Variants in TLNRD1 observed in about 807,000 individuals in gnomAD.
TLNRD1 encodes the protein talin rod domain-containing protein 1.
A neutral mutation model predicts 19.5 loss-of-function variants in TLNRD1; 14 were observed. That is an observed-to-expected ratio of 0.72 (90% CI 0.47 to 1.12). TLNRD1 has a LOEUF of 1.12. Ranked by LOEUF, TLNRD1 falls within the 50% of genes most tolerant of loss-of-function variation. The pLI is 0.00. For synonymous variants in TLNRD1, 345 were observed against 261.7 expected (o/e 1.32, Z -3.07); for missense variants, 569 against 531.9 (o/e 1.07, Z -0.69).
rs563281133 is a variant in TLNRD1, at chr15:81,004,472, A to G, written c.*1112A>G. The G allele has an allele frequency of 3.0e-5, 5 of 166,772 alleles. No individual in the cohort carries two copies. Among genetic ancestry groups the G allele is most frequent in the African/African-American group, 1.2e-4 (5 of 41,536 alleles). 10.3% of individuals were successfully genotyped at this position (166,772 alleles called of 1,614,324 possible). On this transcript the variant is annotated 3_prime_UTR_variant, in exon 1 of 1. Coordinates refer to ENST00000267984, the MANE Select transcript of TLNRD1 (RefSeq NM_022566.3). The stretch of plus-strand genomic sequence containing the variant: ...GGATGGAACTCTAAAAGTACTGTAC[A>G]TCAAGTGAGAATAGTTAGCATCTTT...
At position 81,004,895 on chromosome 15, in the gene TLNRD1, C is replaced by T. The variant is rs80238444; in HGVS notation, c.*1535C>T. On this transcript the variant is annotated 3_prime_UTR_variant, in exon 1 of 1. Transcript: ENST00000267984. ...TGGGAGAGCCACATGAGTAAAAACT[C>T]GTACGTGGTTTAGATTTGTTCCATT... 0.05 allele frequency: 8,286 copies of T among 167,132 alleles called. 252 individuals are homozygous for T. The highest frequency in any genetic ancestry group is 0.17 in the Middle Eastern group (49 of 296). The allele number at this position is 167,132 out of a possible 1,614,324, so 10.4% of individuals were successfully genotyped here. A position where few individuals can be genotyped will look rare whatever the true frequency, so the allele number is the denominator to read the frequency against.
In TLNRD1 at chr15:81,003,620, A is replaced by C; in HGVS notation, c.*260A>C. 1 of 386,500 alleles carries C rather than the reference A, an allele frequency of 2.6e-6. No individual in the cohort carries two copies. Among genetic ancestry groups the C allele is most frequent in the South Asian group, 1.1e-4 (1 of 9,222 alleles). The allele number at this position is 386,500 out of a possible 1,614,324, so 23.9% of individuals were successfully genotyped here. A position where few individuals can be genotyped will look rare whatever the true frequency, so the allele number is the denominator to read the frequency against. ...ATCTGCTGGTTGTGTTATCACTCCCACCCCCTACCCCAGCCCGTCTTCCGG... is the reference window on the plus strand; with the variant it reads ...ATCTGCTGGTTGTGTTATCACTCCCCCCCCCTACCCCAGCCCGTCTTCCGG... On this transcript the variant is annotated 3_prime_UTR_variant, in exon 1 of 1. Transcript: ENST00000267984.
At position 81,003,516 on chromosome 15, in the gene TLNRD1, C is replaced by G. The variant is rs1288243473; in HGVS notation, c.*156C>G. 5.9e-6 allele frequency: 5 copies of G among 847,652 alleles called. No homozygotes were observed. In the African/African-American group the frequency reaches 8.6e-5, roughly 15 times the overall value. The allele number at this position is 847,652 out of a possible 1,614,324, so 52.5% of individuals were successfully genotyped here. ...GAATCTTCCACAAGGCAGGGCCATG[C>G]ACGCAACCTGCACACGCACTTGGAG... On this transcript the variant is annotated 3_prime_UTR_variant, in exon 1 of 1. Coordinates refer to ENST00000267984, the MANE Select transcript of TLNRD1 (RefSeq NM_022566.3).
rs757958625 is a variant in TLNRD1 at position 81,003,265 on chromosome 15, G to T, written c.994G>T (p.Ala332Ser). 4.3e-6 allele frequency: 7 copies of T among 1,609,748 alleles called. No homozygotes were observed. The highest frequency in any genetic ancestry group is 5.9e-6 in the Non-Finnish European group (7 of 1,178,690). Residue 332 changes from alanine to serine, a missense_variant, in exon 1 of 1, where the codon GCC becomes TCC. Ala to Ser is a moderately conservative substitution (Grantham distance 99). Transcript: ENST00000267984. ...HRERLRNSAC[A>S]VSEGCTLLSQ... ...GGAGAGGCTGAGGAACTCGGCCTGC[G>T]CCGTGTCTGAAGGCTGCACCCTGCT...
rs577058105 is a variant in TLNRD1, at chr15:81,005,512, C to T, written c.*2152C>T. Reference sequence around the variant, plus strand: ...GCTAAGTAAAATAAGGGCCAGAAATCTGTAAATTTGGTATTAGATTAAGAA... The same window carrying T: ...GCTAAGTAAAATAAGGGCCAGAAATTTGTAAATTTGGTATTAGATTAAGAA... On this transcript the variant is annotated 3_prime_UTR_variant, in exon 1 of 1. Coordinates refer to ENST00000267984, the MANE Select transcript of TLNRD1 (RefSeq NM_022566.3). The T allele has an allele frequency of 2.4e-5, 4 of 167,068 alleles. No homozygotes were observed. Among genetic ancestry groups the T allele is most frequent in the East Asian group, 3.9e-4 (2 of 5,184 alleles). 10.3% of individuals were successfully genotyped at this position (167,068 alleles called of 1,614,324 possible). A position where few individuals can be genotyped will look rare whatever the true frequency, so the allele number is the denominator to read the frequency against.
Position 81,005,335 on chromosome 15 carries a change from G to A in TLNRD1, c.*1975G>A, listed in dbSNP as rs927528686. On this transcript the variant is annotated 3_prime_UTR_variant, in exon 1 of 1. Transcript: ENST00000267984. The stretch of plus-strand genomic sequence containing the variant: ...GGATGGGGTTCAGGATGAAAGGGAG[G>A]TGGGATTCTAATTCATGTGCCAGTG... 6.0e-5 allele frequency: 10 copies of A among 167,070 alleles called. No homozygotes were observed. The highest frequency in any genetic ancestry group is 5.2e-4 in the Admixed American group (8 of 15,278). The allele number at this position is 167,070 out of a possible 1,614,324, so 10.3% of individuals were successfully genotyped here.
At position 81,004,517 on chromosome 15, in the gene TLNRD1, A is replaced by G. The variant is rs1409911504; in HGVS notation, c.*1157A>G. On this transcript the variant is annotated 3_prime_UTR_variant, in exon 1 of 1. Transcript: ENST00000267984. ...ATCTTTTATGTACACAGGTCTATTC[A>G]GACAAGATCCTCATGATTTCAGAAA... is the stretch of plus-strand genomic sequence containing the variant. 1 of 167,106 alleles carries G rather than the reference A, an allele frequency of 6.0e-6. No individual in the cohort carries two copies. Among genetic ancestry groups the G allele is most frequent in the Non-Finnish European group, 1.5e-5 (1 of 68,132 alleles). The allele number at this position is 167,106 out of a possible 1,614,324, so 10.4% of individuals were successfully genotyped here.
chr15:81,002,699 C>T lies in TLNRD1; in HGVS notation c.428C>T (p.Ala143Val). The T allele has an allele frequency of 6.7e-7, 1 of 1,497,088 alleles. No homozygotes were observed. The highest frequency in any genetic ancestry group is 2.6e-5 in the East Asian group (1 of 39,142). The allele number at this position is 1,497,088 out of a possible 1,614,324, so 92.7% of individuals were successfully genotyped here. ...AAVATPGAQPAQPGLVDRYRV... is the reference protein window; with the variant it reads ...AAVATPGAQPVQPGLVDRYRV... Reference sequence around the variant, plus strand: ...GTGGCCACGCCGGGCGCCCAGCCCGCGCAGCCGGGCCTGGTGGACCGCTAC... The same window carrying T: ...GTGGCCACGCCGGGCGCCCAGCCCGTGCAGCCGGGCCTGGTGGACCGCTAC... The change falls in exon 1 of 1, where the codon GCG (alanine) becomes GTG (valine). Residue 143 changes from alanine (A) to valine (V), a missense_variant. Coordinates refer to ENST00000267984, the MANE Select transcript of TLNRD1 (RefSeq NM_022566.3).
chr15:81,002,310 G>A lies in TLNRD1; in HGVS notation c.39G>A (p.Ala13=), dbSNP rs1297752987. The A allele has an allele frequency of 2.2e-6, 3 of 1,369,606 alleles. No homozygotes were observed. Among genetic ancestry groups the A allele is most frequent in the Non-Finnish European group, 2.8e-6 (3 of 1,056,522 alleles). The allele number at this position is 1,369,606 out of a possible 1,614,324, so 84.8% of individuals were successfully genotyped here. ...GCGCCGGGAAGCCCACTGGCGAGGC[G>A]GCTTCTCCGGCTCCTGCGAGCGCCA... ...SGSAGKPTGE[A]ASPAPASAIG... The change falls in exon 1 of 1, where the codon GCG becomes GCA. Residue 13 remains alanine (A), a synonymous_variant. Transcript: ENST00000267984.
At position 81,003,471 on chromosome 15, in the gene TLNRD1, C is replaced by A; in HGVS notation, c.*111C>A. The A allele has an allele frequency of 8.3e-7, 1 of 1,212,024 alleles. No homozygotes were observed. Among genetic ancestry groups the A allele is most frequent in the Non-Finnish European group, 1.1e-6 (1 of 881,064 alleles). 75.1% of individuals were successfully genotyped at this position (1,212,024 alleles called of 1,614,324 possible). A position where few individuals can be genotyped will look rare whatever the true frequency, so the allele number is the denominator to read the frequency against. ...CATAGGTGAAACCCCCTACCCTCCC[C>A]AACGTTAAATGCTCGAGAGGAATCT... On this transcript the variant is annotated 3_prime_UTR_variant, in exon 1 of 1. Coordinates refer to ENST00000267984, the MANE Select transcript of TLNRD1 (RefSeq NM_022566.3).
rs903677399 is a variant in TLNRD1, at chr15:81,002,189, C to T, written c.-83C>T. 2 of 1,201,500 alleles carry T rather than the reference C, an allele frequency of 1.7e-6. No individual in the cohort carries two copies. The highest frequency in any genetic ancestry group is 1.6e-5 in the African/African-American group (1 of 63,012). The allele number at this position is 1,201,500 out of a possible 1,614,324, so 74.4% of individuals were successfully genotyped here. A position where few individuals can be genotyped will look rare whatever the true frequency, so the allele number is the denominator to read the frequency against. On this transcript the variant is annotated 5_prime_UTR_variant, in exon 1 of 1. It adds an upstream start codon to the 5' untranslated region. Transcript: ENST00000267984. ...GCGGCCTTGGCCAGCTGAGTCGCGA[C>T]GGCCGCCGGGGCGGCGGCAGTGGCC...
In TLNRD1 at chr15:81,003,133, A is replaced by C. The variant is rs1200904299; in HGVS notation, c.862A>C (p.Ile288Leu). The C allele has an allele frequency of 6.4e-7, 1 of 1,563,820 alleles. No homozygotes were observed. The highest frequency in any genetic ancestry group is 2.4e-5 in the East Asian group (1 of 42,164). ...SAEGKAVQTA[I>L]LGGAMSVVSA... ...CGAGGGCAAGGCGGTGCAGACCGCC[A>C]TCCTGGGCGGCGCCATGAGCGTGGT... Residue 288 changes from isoleucine to leucine, a missense_variant, in exon 1 of 1, where the codon ATC becomes CTC. Transcript: ENST00000267984.
rs1241538790 is a variant in TLNRD1 at position 81,001,576 on chromosome 15, C to T, written c.-696C>T. 6.6e-6 allele frequency: 1 copy of T among 151,886 alleles called. No individual in the cohort carries two copies. Among genetic ancestry groups the T allele is most frequent in the African/African-American group, 2.4e-5 (1 of 41,346 alleles). 9.4% of individuals were successfully genotyped at this position (151,886 alleles called of 1,614,324 possible). On this transcript the variant is annotated 5_prime_UTR_variant, in exon 1 of 1. Coordinates refer to ENST00000267984, the MANE Select transcript of TLNRD1 (RefSeq NM_022566.3). Reference sequence around the variant, plus strand: ...CGACAGTGCCGGCCACACCCTCTGCCCCGCTGCCGCCGGCGCCGCTTCCCA... The same window carrying T: ...CGACAGTGCCGGCCACACCCTCTGCTCCGCTGCCGCCGGCGCCGCTTCCCA...
chr15:81,002,309 C>A lies in TLNRD1; in HGVS notation c.38C>A (p.Ala13Glu). 1.5e-6 allele frequency: 2 copies of A among 1,364,980 alleles called. No individual in the cohort carries two copies. The highest frequency in any genetic ancestry group is 9.5e-7 in the Non-Finnish European group (1 of 1,054,172). The allele number at this position is 1,364,980 out of a possible 1,614,324, so 84.6% of individuals were successfully genotyped here. Residue 13 changes from alanine (A) to glutamate (E), a missense_variant, in exon 1 of 1, where the codon GCG becomes GAG. Coordinates refer to ENST00000267984, the MANE Select transcript of TLNRD1 (RefSeq NM_022566.3). ...AGCGCCGGGAAGCCCACTGGCGAGG[C>A]GGCTTCTCCGGCTCCTGCGAGCGCC... ...SGSAGKPTGE[A>E]ASPAPASAIG...
Position 81,003,512 on chromosome 15 carries a change from C to A in TLNRD1, c.*152C>A. 3.4e-6 allele frequency: 3 copies of A among 895,344 alleles called. No homozygotes were observed. Among genetic ancestry groups the A allele is most frequent in the Middle Eastern group, 3.5e-4 (1 of 2,898 alleles). 55.5% of individuals were successfully genotyped at this position (895,344 alleles called of 1,614,324 possible). On this transcript the variant is annotated 3_prime_UTR_variant, in exon 1 of 1. Coordinates refer to ENST00000267984, the MANE Select transcript of TLNRD1 (RefSeq NM_022566.3). ...AGAGGAATCTTCCACAAGGCAGGGC[C>A]ATGCACGCAACCTGCACACGCACTT... is the stretch of plus-strand genomic sequence containing the variant.
At position 81,001,159 on chromosome 15, in the gene TLNRD1, T is replaced by C. The variant is rs1595890559; in HGVS notation, c.-1113T>C. On this transcript the variant is annotated 5_prime_UTR_variant, in exon 1 of 1. Transcript: ENST00000267984. ...TGCCCGCTCGCTCGGAAGTTGGCGGTTGACAAAAATGGCAGGAGCCGGGGC... is the reference window on the plus strand; with the variant it reads ...TGCCCGCTCGCTCGGAAGTTGGCGGCTGACAAAAATGGCAGGAGCCGGGGC... The C allele has an allele frequency of 6.5e-6, 1 of 152,880 alleles. No homozygotes were observed. Among genetic ancestry groups the C allele is most frequent in the East Asian group, 1.9e-4 (1 of 5,130 alleles). The allele number at this position is 152,880 out of a possible 1,614,324, so 9.5% of individuals were successfully genotyped here.
chr15:81,002,773 C>T lies in TLNRD1; in HGVS notation c.502C>T (p.Arg168Cys), dbSNP rs372825596. The change falls in exon 1 of 1, where the codon CGC becomes TGC. Residue 168 changes from arginine to cysteine, a missense_variant. Arg to Cys is a radical substitution (Grantham distance 180). Transcript: ENST00000267984. The stretch of plus-strand genomic sequence containing the variant: ...GGTGGAGCAGGGTTGCGCCGTGCTG[C>T]GCGCCACGCCGCTGGCCGACATGAC... ...HEVEQGCAVL[R>C]ATPLADMTPQ... 3.6e-5 allele frequency: 56 copies of T among 1,545,146 alleles called. No individual in the cohort carries two copies. Among genetic ancestry groups the T allele is most frequent in the Non-Finnish European group, 4.8e-5 (55 of 1,151,704 alleles).
At position 81,002,028 on chromosome 15, in the gene TLNRD1, C is replaced by G; in HGVS notation, c.-244C>G. ...CCCTCTAGGAGGCCGAAAGCTGCAG[C>G]CCCTCCCCTTGCCCCGAAGAGCCTT... On this transcript the variant is annotated 5_prime_UTR_variant, in exon 1 of 1. Transcript: ENST00000267984. 3.3e-6 allele frequency: 1 copy of G among 299,758 alleles called. No homozygotes were observed. Among genetic ancestry groups the G allele is most frequent in the East Asian group, 5.7e-5 (1 of 17,592 alleles). 18.6% of individuals were successfully genotyped at this position (299,758 alleles called of 1,614,324 possible). A position where few individuals can be genotyped will look rare whatever the true frequency, so the allele number is the denominator to read the frequency against.
Position 81,005,498 on chromosome 15 carries a change from T to G in TLNRD1, c.*2138T>G, listed in dbSNP as rs1054553242. 10 of 167,074 alleles carry G rather than the reference T, an allele frequency of 6.0e-5. 2 individuals are homozygous for G. In the Admixed American group the frequency reaches 6.5e-4, roughly 11 times the overall value. 10.3% of individuals were successfully genotyped at this position (167,074 alleles called of 1,614,324 possible). A position where few individuals can be genotyped will look rare whatever the true frequency, so the allele number is the denominator to read the frequency against. ...TGAAAGGAACAAACGCTAAGTAAAA[T>G]AAGGGCCAGAAATCTGTAAATTTGG... On this transcript the variant is annotated 3_prime_UTR_variant, in exon 1 of 1. Transcript: ENST00000267984.
Sources: gnomAD v4.1 joint callset for allele counts on GRCh38, gnomAD v4.1.1 for gene constraint, MANE v1.5 for transcripts, NCBI Gene and HGNC (gene_info 2026-07-23, HGNC 2026-07-21) for gene names.